DLG2: variants seen among roughly 807,000 people sequenced by gnomAD.
The protein encoded by DLG2 is disks large homolog 2.
A neutral mutation model predicts 132.5 loss-of-function variants in DLG2; 45 were observed. The ratio of observed to expected loss-of-function variants is 0.34; its 90% CI spans 0.27 to 0.44. The LOEUF (loss-of-function observed/expected upper bound fraction) is 0.44. Among genes scored for constraint, DLG2 ranks in the 20% least tolerant of loss-of-function variants. The pLI is 1.00. For missense variants in DLG2, 1,045 were observed against 1,196.9 expected (o/e 0.87, Z 1.87); for synonymous variants, 424 against 419.6 (o/e 1.01, Z -0.13).
intron 18 of DLG2, among the ~76,000 whole-genome samples, chr11:83,703,697 A>C (rs151263161): frequency 0.012 from 1,893 of 152,308 alleles, 50 homozygotes; most frequent in African/African-American, 0.04. Flanking sequence ...TGAAATAATT[A>C]TTTTCCATGC....
Position 83,591,121 on chromosome 11 carries a change from A to G in DLG2, c.1940+42090T>C, listed in dbSNP as rs1248153870. Reference sequence around the variant, plus strand: ...ATTCCAATCAATAGAAAAAGAGGGAATCCTCCCTAACTCATTTTATGAGGC... The same window carrying G: ...ATTCCAATCAATAGAAAAAGAGGGAGTCCTCCCTAACTCATTTTATGAGGC... On this transcript the variant is annotated intron_variant, in intron 19 of 27. Transcript: ENST00000376104. 3.9e-4 allele frequency among the ~76,000 whole-genome samples: 59 copies of G among 151,470 alleles called. 2 individuals are homozygous for G. The highest frequency in any genetic ancestry group is 3.7e-3 in the Admixed American group (56 of 15,228).
At chr11:85,289,082 T>C (rs1329656572) in intron 3 of DLG2, among the ~76,000 whole-genome samples, 1 of 152,158 alleles carries the variant, frequency 6.6e-6, no homozygotes, top group Admixed American at 6.6e-5. Context: ...TTCACTCTTT[T>C]GTCTGCTTAT....
intron 6 of DLG2, among the ~76,000 whole-genome samples, chr11:85,018,684 T>A (rs1001717887): frequency 3.9e-5 from 6 of 152,120 alleles, no homozygotes; most frequent in Admixed American, 3.9e-4. Flanking sequence ...CATGCTCTGA[T>A]GGCCCAAGTA....
intron 6 of DLG2, among the ~76,000 whole-genome samples, chr11:84,885,810 A>C (rs1304260925): frequency 1.3e-5 from 2 of 151,720 alleles, no homozygotes; most frequent in Non-Finnish European, 1.5e-5. Flanking sequence ...TTAATTTTGC[A>C]CTGGTTAGAA....
At chr11:84,083,412 C>A (rs2096931017) in intron 10 of DLG2, among the ~76,000 whole-genome samples, 1 of 152,148 alleles carries the variant, frequency 6.6e-6, no homozygotes, top group South Asian at 2.1e-4. Flanking sequence ...ATATGAGAAA[C>A]TAAAAGCCAA....
chr11:83,770,208 C>T (rs1201329647), intron 18 of DLG2, among the ~76,000 whole-genome samples: 2 of 148,124 alleles, frequency 1.4e-5, no homozygotes, highest in Non-Finnish European at 1.5e-5. Flanking sequence ...CCTTTTGTAC[C>T]TTCCTTTCTT....
At chr11:84,938,549 G>A (rs2049017275) in intron 6 of DLG2, among the ~76,000 whole-genome samples, 1 of 152,066 alleles carries the variant, frequency 6.6e-6, no homozygotes, top group Admixed American at 6.6e-5. Flanking sequence ...GATCCCTATG[G>A]GAAATGTTTC....
intron 3 of DLG2, among the ~76,000 whole-genome samples, chr11:85,405,855 T>G (rs759141859): frequency 1.3e-5 from 2 of 152,010 alleles, no homozygotes; most frequent in African/African-American, 2.4e-5. Flanking sequence ...TTGAAAATTA[T>G]GTAAAGTGAA....
At chr11:83,923,013 C>T (rs962780547) in intron 15 of DLG2, among the ~76,000 whole-genome samples, 6 of 152,020 alleles carry the variant, frequency 3.9e-5, no homozygotes, top group Admixed American at 1.3e-4. Flanking sequence ...CTGCCATTTA[C>T]AGGGAGCCTA....
chr11:83,697,659 G>C (rs1377377010), intron 18 of DLG2, among the ~76,000 whole-genome samples: 3 of 152,154 alleles, frequency 2.0e-5, no homozygotes, highest in Non-Finnish European at 4.4e-5. Context: ...AAAAAGTTAT[G>C]TCTTCGGGGC....
At chr11:83,727,913 A>G (rs2090315379) in intron 18 of DLG2, among the ~76,000 whole-genome samples, 1 of 152,234 alleles carries the variant, frequency 6.6e-6, no homozygotes, top group African/African-American at 2.4e-5. Flanking sequence ...CAGAACTATT[A>G]TACAGCTGAA....
At chr11:85,483,908 A>G (rs1565562829) in intron 3 of DLG2, among the ~76,000 whole-genome samples, 3 of 151,046 alleles carry the variant, frequency 2.0e-5, no homozygotes. Context: ...AAAAAAAAAA[A>G]GAATAATAAT....
At chr11:84,982,692 C>G (rs1002002157) in intron 6 of DLG2, among the ~76,000 whole-genome samples, 1 of 151,646 alleles carries the variant, frequency 6.6e-6, no homozygotes, top group Non-Finnish European at 1.5e-5. Context: ...ACAAAATATC[C>G]TCAAATAGAA....
chr11:83,845,732 C>T (rs2058487927), intron 16 of DLG2, among the ~76,000 whole-genome samples: 1 of 152,144 alleles, frequency 6.6e-6, no homozygotes, highest in Admixed American at 6.5e-5. Context: ...GTATGGGATA[C>T]TGTGATATTG....
chr11:84,216,553 T>C (rs751662515), intron 8 of DLG2, among the ~76,000 whole-genome samples: 1 of 152,052 alleles, frequency 6.6e-6, no homozygotes. Flanking sequence ...TTGGGATGAG[T>C]GATGAATAAG....
intron 2 of DLG2, among the ~76,000 whole-genome samples, chr11:85,614,514 C>T (rs1455521540): frequency 6.6e-6 from 1 of 152,042 alleles, no homozygotes; most frequent in Non-Finnish European, 1.5e-5. Context: ...GAGGCCCATG[C>T]CTGTAATCCC....
intron 3 of DLG2, among the ~76,000 whole-genome samples, chr11:85,311,569 G>C (rs953357052): frequency 1.3e-5 from 2 of 152,078 alleles, no homozygotes; most frequent in Non-Finnish European, 2.9e-5. Flanking sequence ...GGATTACTCA[G>C]TCTCTGGTTA....
At chr11:85,479,599 A>G (rs2093237214) in intron 3 of DLG2, among the ~76,000 whole-genome samples, 1 of 152,242 alleles carries the variant, frequency 6.6e-6, no homozygotes, top group Admixed American at 6.5e-5. Context: ...AATGATGCTC[A>G]ACCTCTCTAC....
At chr11:84,495,592 T>C (rs2099180152) in intron 7 of DLG2, among the ~76,000 whole-genome samples, 1 of 152,162 alleles carries the variant, frequency 6.6e-6, no homozygotes, top group South Asian at 2.1e-4. Context: ...AACAAAAGAA[T>C]AAATGATGTC....
Sources: gnomAD v4.1 joint callset for allele counts (sites outside exome capture counted in the v4.1 genomes callset) on GRCh38, gnomAD v4.1.1 for gene constraint, MANE v1.5 for transcripts, NCBI Gene and HGNC (gene_info 2026-07-23, HGNC 2026-07-21) for gene names.